The following DOCK3 variants were observed in gnomAD, a reference collection of about 807,000 sequenced individuals.
The protein encoded by DOCK3 is dedicator of cytokinesis protein 3.
A neutral mutation model predicts 265.6 loss-of-function variants in DOCK3; 60 were observed. The ratio of observed to expected loss-of-function variants is 0.23; its 90% confidence interval spans 0.18 to 0.28. The LOEUF (loss-of-function observed/expected upper bound fraction) is 0.28, where lower values mean the gene tolerates loss of function less well. Ranked by LOEUF, DOCK3 falls within the 10% of genes least tolerant of loss-of-function variation. DOCK3 has a pLI of 1.00. For synonymous variants in DOCK3, 881 were observed against 938.0 expected (o/e 0.94, Z 1.11); for missense variants, 1,981 against 2,594.3 (o/e 0.76, Z 5.14).
At chr3:51,363,681 C>G (rs901846572) in intron 49 of DOCK3, among the ~76,000 whole-genome samples, 2 of 152,214 alleles carry the variant, frequency 1.3e-5, no homozygotes, top group Admixed American at 1.3e-4. Flanking sequence ...GTTCCCCACC[C>G]TGTGTCCAAG....
intron 1 of DOCK3, among the ~76,000 whole-genome samples, chr3:50,696,187 C>T (rs889071679): frequency 6.6e-6 from 1 of 152,182 alleles, no homozygotes; most frequent in African/African-American, 2.4e-5. Context: ...TACATGTTTA[C>T]ACAGCATGAT....
chr3:50,900,264 G>A (rs1283524760), intron 4 of DOCK3, among the ~76,000 whole-genome samples: 4 of 152,092 alleles, frequency 2.6e-5, no homozygotes, highest in Non-Finnish European at 5.9e-5. Flanking sequence ...CACTTGATCG[G>A]TTCGGCTATT....
At chr3:50,720,972 T>C (rs1384009889) in intron 1 of DOCK3, among the ~76,000 whole-genome samples, 1 of 152,208 alleles carries the variant, frequency 6.6e-6, no homozygotes, top group Non-Finnish European at 1.5e-5. Flanking sequence ...GCTTTTTTTT[T>C]CATATGCTTG....
chr3:50,874,709 G>C (rs1276078120), intron 3 of DOCK3, among the ~76,000 whole-genome samples: 3 of 151,950 alleles, frequency 2.0e-5, no homozygotes, highest in Non-Finnish European at 4.4e-5. Flanking sequence ...ATTTTTGGTA[G>C]CTATTGTAAA....
At chr3:51,013,220 G>A (rs1015433471) in intron 5 of DOCK3, among the ~76,000 whole-genome samples, 1 of 152,194 alleles carries the variant, frequency 6.6e-6, no homozygotes, top group Non-Finnish European at 1.5e-5. Flanking sequence ...CTTTGGAGGA[G>A]ATGCAGTGCT....
chr3:51,380,558 G>C (rs1469541587), intron 52 of DOCK3, among the ~76,000 whole-genome samples: 1 of 152,228 alleles, frequency 6.6e-6, no homozygotes, highest in Non-Finnish European at 1.5e-5. Flanking sequence ...GTGGATCAGA[G>C]AGCATTTCAA....
At chr3:51,084,420 G>C (rs1312828578) in intron 7 of DOCK3, among the ~76,000 whole-genome samples, 1 of 152,162 alleles carries the variant, frequency 6.6e-6, no homozygotes, top group Non-Finnish European at 1.5e-5. Context: ...GAGAGAATGG[G>C]ATGACAGATT....
At chr3:50,972,782 G>GT (rs1361404841) in intron 5 of DOCK3, among the ~76,000 whole-genome samples, 1 of 152,000 alleles carries the variant, frequency 6.6e-6, no homozygotes, top group Non-Finnish European at 1.5e-5. Context: ...GTCTGTTTTT[G>GT]TACCAGTACC....
chr3:50,918,941 A>G (rs7616183), intron 4 of DOCK3, among the ~76,000 whole-genome samples: 35,408 of 152,056 alleles, frequency 0.23, 5,071 homozygotes, highest in East Asian at 0.39. Context: ...TTTCGTATAA[A>G]GTGTAAGGAA....
chr3:51,353,498 G>C (rs943040730), intron 40 of DOCK3, among the ~76,000 whole-genome samples: 2 of 152,224 alleles, frequency 1.3e-5, no homozygotes, highest in Admixed American at 1.3e-4. Flanking sequence ...TGTAATCCCA[G>C]TTACTTGAGA....
intron 5 of DOCK3, among the ~76,000 whole-genome samples, chr3:51,063,244 A>C (rs2081483489): frequency 6.6e-6 from 1 of 152,066 alleles, no homozygotes; most frequent in South Asian, 2.1e-4. Context: ...CAGGCCTGTA[A>C]TCCGAGCCAC....
chr3:50,888,172 C>T (rs2048440560), intron 3 of DOCK3, among the ~76,000 whole-genome samples: 1 of 152,060 alleles, frequency 6.6e-6, no homozygotes, highest in African/African-American at 2.4e-5. Flanking sequence ...TCTCAGGATA[C>T]AAAATCAATG....
At chr3:50,866,140 C>T (rs1022806100) in intron 3 of DOCK3, among the ~76,000 whole-genome samples, 6 of 151,642 alleles carry the variant, frequency 4.0e-5, no homozygotes, top group African/African-American at 1.5e-4. Context: ...TGATGTGATC[C>T]CGTTTGTCCA....
At chr3:51,357,704 A>G (rs2086456288) in intron 44 of DOCK3, 54 bp from the exon 45 acceptor site, 1 of 1,594,094 alleles carries the variant, frequency 6.3e-7, no homozygotes, top group Middle Eastern at 1.9e-4. Flanking sequence ...CCTGGGCCCC[A>G]CTTAAGTAGT....
chr3:51,091,458 C>T (rs546842149), intron 9 of DOCK3, among the ~76,000 whole-genome samples: 5 of 152,074 alleles, frequency 3.3e-5, no homozygotes, highest in South Asian at 2.1e-4. Flanking sequence ...CCGAGGAGGG[C>T]GAATCACGAA....
chr3:51,266,374 A>G (rs1553821666), intron 23 of DOCK3, among the ~76,000 whole-genome samples: 1 of 152,250 alleles, frequency 6.6e-6, no homozygotes, highest in Non-Finnish European at 1.5e-5. Flanking sequence ...TTGCCAAGTC[A>G]ATCCTAAGCC....
At position 50,741,843 on chromosome 3, in the gene DOCK3, T is replaced by A. The variant is rs138529164; in HGVS notation, c.38-36832T>A. Among the ~76,000 whole-genome samples, 417 of 152,330 alleles carry A rather than the reference T, an allele frequency of 2.7e-3. 1 individual carries two copies. The highest frequency in any genetic ancestry group is 9.6e-3 in the African/African-American group (399 of 41,570). On this transcript the variant is annotated intron_variant, in intron 1 of 52. Transcript: ENST00000266037. ...TTTCTAGTTCTAGATTCCTGAGGAA[T>A]CACCACATTGACTTCCACAAGGGTT... is the stretch of plus-strand genomic sequence containing the variant.
At chr3:51,245,364 AG>A (rs2108554727) in intron 21 of DOCK3, among the ~76,000 whole-genome samples, 1 of 151,340 alleles carries the variant, frequency 6.6e-6, no homozygotes, top group African/African-American at 2.4e-5. Flanking sequence ...AGACCATTAA[AG>A]CAATAAGAAA....
At chr3:51,100,992 A>G (rs1055732453) in intron 9 of DOCK3, among the ~76,000 whole-genome samples, 3 of 149,968 alleles carry the variant, frequency 2.0e-5, no homozygotes, top group African/African-American at 7.4e-5. Context: ...TTTTGTAGAG[A>G]TGACATCTTG....
Sources: allele counts gnomAD v4.1 joint callset (sites outside exome capture counted in the v4.1 genomes callset), GRCh38; gene constraint gnomAD v4.1.1; transcripts MANE v1.5; gene names NCBI Gene and HGNC (gene_info 2026-07-23, HGNC 2026-07-21).